The following NEBL variants were observed in gnomAD, a reference collection of about 807,000 sequenced individuals.
NEBL encodes the protein LIM and SH3 protein 2.
A neutral mutation model predicts 140.2 loss-of-function variants in NEBL; 122 were observed. The ratio of observed to expected loss-of-function variants is 0.87; its 90% CI spans 0.75 to 1.01. NEBL has a LOEUF of 1.01. Ranked by LOEUF, NEBL falls within the 50% of genes least tolerant of loss-of-function variation. The pLI is 0.00. For synonymous variants in NEBL, 436 were observed against 398.9 expected, an observed-to-expected ratio of 1.09 and a Z score of -1.11; for missense variants, 1,365 against 1,231.3, an observed-to-expected ratio of 1.11 and a Z score of -1.62.
chr10:21,143,213 C>A (rs532190335), intron 2 of NEBL, among the ~76,000 whole-genome samples: 2 of 152,086 alleles, frequency 1.3e-5, no homozygotes, highest in African/African-American at 4.8e-5. Flanking sequence ...CTTTAGGAGG[C>A]CAAGGTGGGC....
chr10:20,945,652 G>T (rs1178761225), intron 4 of NEBL, among the ~76,000 whole-genome samples: 2 of 152,144 alleles, frequency 1.3e-5, no homozygotes, highest in East Asian at 1.9e-4. Context: ...TTCAAAATTT[G>T]GTCCTAATAC....
At chr10:21,123,268 C>T (rs1226441305) in intron 2 of NEBL, among the ~76,000 whole-genome samples, 1 of 152,128 alleles carries the variant, frequency 6.6e-6, no homozygotes, top group South Asian at 2.1e-4. Context: ...TGCTTTTTGT[C>T]ATTTTGGGAC....
chr10:20,885,827 A>C (rs931813910), intron 4 of NEBL, among the ~76,000 whole-genome samples: 33 of 152,236 alleles, frequency 2.2e-4, no homozygotes, highest in African/African-American at 7.5e-4. Context: ...TTAGGTGGCC[A>C]GATATTGGCA....
At chr10:20,983,949 G>T (rs1837152055) in intron 3 of NEBL, among the ~76,000 whole-genome samples, 1 of 152,140 alleles carries the variant, frequency 6.6e-6, no homozygotes, top group Non-Finnish European at 1.5e-5. Flanking sequence ...TAAAGAGAAA[G>T]TAATGACCCT....
chr10:21,003,318 T>C (rs1211071032), intron 3 of NEBL, among the ~76,000 whole-genome samples: 2 of 152,200 alleles, frequency 1.3e-5, no homozygotes, highest in Admixed American at 6.5e-5. Flanking sequence ...AACAGCTTTA[T>C]GGATTAAGCT....
upstream of NEBL, among the ~76,000 whole-genome samples, chr10:20,901,340 C>A (rs371271339): frequency 6.6e-6 from 1 of 152,208 alleles, no homozygotes; most frequent in African/African-American, 2.4e-5. Flanking sequence ...ACAGCCGTGG[C>A]CAAGGGAACG....
At chr10:21,021,087 C>T (rs932625777) in intron 2 of NEBL, among the ~76,000 whole-genome samples, 3 of 152,128 alleles carry the variant, frequency 2.0e-5, no homozygotes, top group African/African-American at 7.2e-5. Context: ...ATTAGTGCCC[C>T]GTAGCCCAAG....
At chr10:21,203,662 C>A (rs1174697199) in intron 3 of NEBL, among the ~76,000 whole-genome samples, 2 of 152,180 alleles carry the variant, frequency 1.3e-5, no homozygotes, top group Non-Finnish European at 2.9e-5. Context: ...CTGAATGCAA[C>A]CTGTTTCTGT....
intron 1 of NEBL, among the ~76,000 whole-genome samples, chr10:21,275,130 C>G: frequency 6.6e-6 from 1 of 152,094 alleles, no homozygotes; most frequent in East Asian, 1.9e-4. Context: ...GATGAGATGC[C>G]CACCCCACCC....
At chr10:20,814,115 T>C (rs1239200768) in intron 22 of NEBL, 72 bp from the exon 23 acceptor site, 1 of 935,738 alleles carries the variant, frequency 1.1e-6, no homozygotes, top group Non-Finnish European at 1.8e-6. Flanking sequence ...GCTTTACAAA[T>C]GAGTGAAACA....
intron 2 of NEBL, among the ~76,000 whole-genome samples, chr10:21,143,885 A>G (rs1046193620): frequency 2.0e-5 from 3 of 152,240 alleles, no homozygotes; most frequent in Non-Finnish European, 4.4e-5. Flanking sequence ...AAAGCTTAAA[A>G]TAAGACCATT....
rs577025455 is a variant in NEBL, at chr10:20,938,597, T to A, written c.357+23075A>T. Among the ~76,000 whole-genome samples the A allele has an allele frequency of 3.3e-5, 5 of 152,216 alleles. No homozygotes were observed. In the South Asian group the frequency reaches 6.2e-4, roughly 19 times the overall value. On this transcript the variant is annotated intron_variant, in intron 4 of 6. Coordinates refer to the NEBL transcript ENST00000417816. Reference sequence around the variant, plus strand: ...GAACAAAGCTGGATGGAGAATGACTTTGACGAGTTGAGAGAAGAAGGCTTC... The same window carrying A: ...GAACAAAGCTGGATGGAGAATGACTATGACGAGTTGAGAGAAGAAGGCTTC...
At chr10:20,986,537 T>C (rs1470877592) in intron 3 of NEBL, among the ~76,000 whole-genome samples, 2 of 152,208 alleles carry the variant, frequency 1.3e-5, no homozygotes, top group Non-Finnish European at 1.5e-5. Flanking sequence ...TCCTAAATAA[T>C]GGCTAAAGAA....
At chr10:21,111,873 G>A (rs1392920372) in intron 2 of NEBL, among the ~76,000 whole-genome samples, 1 of 151,468 alleles carries the variant, frequency 6.6e-6, no homozygotes, top group Admixed American at 6.6e-5. Flanking sequence ...AATCTACAAA[G>A]AACTTAAACA....
intron 26 of NEBL, among the ~76,000 whole-genome samples, chr10:20,789,278 T>C (rs1835710575): frequency 1.3e-5 from 2 of 152,174 alleles, no homozygotes; most frequent in Admixed American, 1.3e-4. Context: ...AATATAAACA[T>C]CTCTGTAAAT....
chr10:21,004,381 G>C (rs1324385154), intron 3 of NEBL, among the ~76,000 whole-genome samples: 4 of 152,116 alleles, frequency 2.6e-5, no homozygotes, highest in Non-Finnish European at 5.9e-5. Flanking sequence ...CATTATTTGG[G>C]ACGACGTTCT....
chr10:21,019,624 G>T (rs749180361), intron 3 of NEBL, among the ~76,000 whole-genome samples: 4 of 152,178 alleles, frequency 2.6e-5, no homozygotes, highest in Non-Finnish European at 5.9e-5. Context: ...GCCAATTGTG[G>T]TGTTCTCATC....
chr10:21,204,510 T>C (rs892981445), intron 3 of NEBL, among the ~76,000 whole-genome samples: 3 of 152,136 alleles, frequency 2.0e-5, no homozygotes, highest in Admixed American at 1.3e-4. Flanking sequence ...AGAAGGCAGC[T>C]GTCTGCAAGC....
chr10:20,815,793 G>C lies in NEBL; in HGVS notation c.2149-76C>G, dbSNP rs1016347267. 24 of 1,086,318 alleles carry C rather than the reference G, an allele frequency of 2.2e-5. No individual in the cohort carries two copies. The African/African-American group carries it at 3.1e-4, about 14-fold the overall frequency. 67.3% of individuals were successfully genotyped at this position (1,086,318 alleles called of 1,614,324 possible). Reference sequence around the variant, plus strand: ...GAGACTTATTTATTTATTTAAGACAGGGTCTTGCTCTGTCACCCAGGCTGA... The same window carrying C: ...GAGACTTATTTATTTATTTAAGACACGGTCTTGCTCTGTCACCCAGGCTGA... On this transcript the variant is annotated intron_variant, in intron 21 of 27. Coordinates refer to ENST00000377122, the MANE Select transcript of NEBL (RefSeq NM_006393.3).
Sources: allele counts gnomAD v4.1 joint callset (sites outside exome capture counted in the v4.1 genomes callset), GRCh38; gene constraint gnomAD v4.1.1; transcripts MANE v1.5; gene names NCBI Gene and HGNC (gene_info 2026-07-23, HGNC 2026-07-21).